Variants in CAPN13 observed in about 807,000 individuals in gnomAD.
CAPN13 encodes calpain 13.
CAPN13 carries 90 observed loss-of-function variants against 98.4 expected under a neutral mutation model. The ratio of observed to expected loss-of-function variants is 0.92; its 90% CI spans 0.77 to 1.09. The LOEUF (loss-of-function observed/expected upper bound fraction) is 1.09, where lower values mean the gene tolerates loss of function less well. CAPN13 is among the 50% of genes least tolerant of loss of function. The pLI, the probability that CAPN13 is intolerant of heterozygous loss-of-function variation, is 0.00. For synonymous variants in CAPN13, 330 were observed against 305.5 expected (o/e 1.08, Z -0.84); for missense variants, 887 against 841.3 (o/e 1.05, Z -0.67).
chr2:30,795,062 T>C (rs929334593), intron 1 of CAPN13, among the ~76,000 whole-genome samples: 11 of 152,138 alleles, frequency 7.2e-5, no homozygotes, highest in African/African-American at 2.6e-4. Flanking sequence ...CTATATATAA[T>C]TTATATAGTC....
At chr2:30,727,168 C>G (rs1670885866) in intron 22 of CAPN13, among the ~76,000 whole-genome samples, 1 of 152,044 alleles carries the variant, frequency 6.6e-6, no homozygotes, top group Non-Finnish European at 1.5e-5. Context: ...TACTTCACAC[C>G]ATATAAAAAA....
At chr2:30,742,892 C>A (rs1671731471) in intron 13 of CAPN13, among the ~76,000 whole-genome samples, 1 of 152,102 alleles carries the variant, frequency 6.6e-6, no homozygotes, top group Non-Finnish European at 1.5e-5. Context: ...CTGCTATACC[C>A]CACATTTCAG....
At position 30,743,598 on chromosome 2, in the gene CAPN13, C is replaced by T; in HGVS notation, c.1249-19G>A. The T allele has an allele frequency of 6.2e-7, 1 of 1,613,216 alleles. No individual in the cohort carries two copies. The highest frequency in any genetic ancestry group is 8.5e-7 in the Non-Finnish European group (1 of 1,179,246). ...GGAACCGCTGGAATTAGAGGAAACA[C>T]AATGATTGTGAGAAAGCCTCCTCTG... On this transcript the variant is annotated intron_variant, in intron 12 of 22. Transcript: ENST00000295055.
intron 5 of CAPN13, among the ~76,000 whole-genome samples, chr2:30,766,839 T>C (rs1673138395): frequency 6.6e-6 from 1 of 152,194 alleles, no homozygotes; most frequent in African/African-American, 2.4e-5. Context: ...ACCCTAAATA[T>C]GGTTTTCATT....
chr2:30,760,350 C>T (rs1275535716), intron 7 of CAPN13, among the ~76,000 whole-genome samples: 1 of 152,194 alleles, frequency 6.6e-6, no homozygotes, highest in East Asian at 1.9e-4. Context: ...GCCCATGGAG[C>T]AGGGACACAA....
intron 2 of CAPN13, among the ~76,000 whole-genome samples, chr2:30,783,399 G>T (rs964366214): frequency 6.6e-6 from 1 of 152,134 alleles, no homozygotes; most frequent in Admixed American, 6.5e-5. Flanking sequence ...GAGGGGGAGG[G>T]CTTGGGAACA....
At chr2:30,752,163 T>C (rs529512872) in intron 10 of CAPN13, among the ~76,000 whole-genome samples, 1 of 152,240 alleles carries the variant, frequency 6.6e-6, no homozygotes, top group African/African-American at 2.4e-5. Context: ...TGTAGATCAC[T>C]AGAGCCTGGA....
chr2:30,795,148 C>A (rs1214184000), intron 1 of CAPN13, among the ~76,000 whole-genome samples: 5 of 151,936 alleles, frequency 3.3e-5, no homozygotes, highest in African/African-American at 1.2e-4. Flanking sequence ...CTGTATGTTA[C>A]CCTATGATTT....
At chr2:30,743,332 T>C (rs1671748732) in intron 13 of CAPN13, 51 bp downstream of exon 13, 1 of 1,501,562 alleles carries the variant, frequency 6.7e-7, no homozygotes, top group Non-Finnish European at 9.3e-7. Context: ...ACAATGTGTT[T>C]TTATAAAGTT....
intron 1 of CAPN13, among the ~76,000 whole-genome samples, chr2:30,804,291 C>T (rs1421264031): frequency 3.3e-5 from 5 of 152,218 alleles, no homozygotes; most frequent in African/African-American, 1.2e-4. Context: ...ACCTCCACCT[C>T]CCTGCTTCAT....
chr2:30,783,661 G>T (rs1283496901), intron 2 of CAPN13, among the ~76,000 whole-genome samples: 1 of 152,132 alleles, frequency 6.6e-6, no homozygotes, highest in African/African-American at 2.4e-5. Context: ...CTGCCAAGCT[G>T]GGATGAATAC....
At chr2:30,759,269 CCT>C (rs150608146) in intron 7 of CAPN13, among the ~76,000 whole-genome samples, 3,077 of 152,066 alleles carry the variant, frequency 0.02, 75 homozygotes, top group East Asian at 0.13. Flanking sequence ...CTTCCTGCCC[CCT>C]GTCTGGGGTA....
intron 1 of CAPN13, among the ~76,000 whole-genome samples, chr2:30,792,656 G>T (rs926138999): frequency 6.6e-6 from 1 of 151,862 alleles, no homozygotes; most frequent in African/African-American, 2.4e-5. Flanking sequence ...CTAATCTTAC[G>T]TGAACTTCCT....
chr2:30,730,707 A>C, intron 22 of CAPN13, 23 bp downstream of exon 22: 1 of 779,274 alleles, frequency 1.3e-6, no homozygotes, highest in Non-Finnish European at 2.4e-6. Flanking sequence ...GGAGGGAAAG[A>C]CTCCAAAGCT....
chr2:30,796,863 C>T (rs907543554), intron 1 of CAPN13, among the ~76,000 whole-genome samples: 1 of 152,192 alleles, frequency 6.6e-6, no homozygotes, highest in Non-Finnish European at 1.5e-5. Flanking sequence ...TCTAGACAGG[C>T]TAGCCCAGCT....
At chr2:30,773,846 T>C (rs1469923919) in intron 4 of CAPN13, among the ~76,000 whole-genome samples, 2 of 152,200 alleles carry the variant, frequency 1.3e-5, no homozygotes, top group Non-Finnish European at 2.9e-5. Flanking sequence ...TTGCAAATCA[T>C]AGAGCTTAAT....
intron 2 of CAPN13, among the ~76,000 whole-genome samples, chr2:30,778,780 T>G (rs1203172693): frequency 2.0e-5 from 3 of 152,112 alleles, no homozygotes; most frequent in Non-Finnish European, 4.4e-5. Flanking sequence ...TACAACTAAC[T>G]GACCCCGTCA....
intron 1 of CAPN13, among the ~76,000 whole-genome samples, chr2:30,800,619 A>G (rs145421911): frequency 1.3e-5 from 2 of 152,308 alleles, no homozygotes; most frequent in African/African-American, 4.8e-5. Context: ...GTGCTTTTCT[A>G]CTGTAAGATT....
At chr2:30,807,097 C>T (rs1675676019) in intron 1 of CAPN13, among the ~76,000 whole-genome samples, 1 of 152,116 alleles carries the variant, frequency 6.6e-6, no homozygotes, top group South Asian at 2.1e-4. Flanking sequence ...AAATTAACTC[C>T]CACTTTGCCC....
Sources: allele counts gnomAD v4.1 joint callset (sites outside exome capture counted in the v4.1 genomes callset), GRCh38; gene constraint gnomAD v4.1.1; transcripts MANE v1.5; gene names NCBI Gene and HGNC (gene_info 2026-07-23, HGNC 2026-07-21).